Variants in LPP observed in about 807,000 individuals in gnomAD.
The protein encoded by LPP is LIM domain containing preferred translocation partner in lipoma, also known as lipoma-preferred partner.
LPP carries 38 observed loss-of-function variants against 60.4 expected under a neutral mutation model. The observed-to-expected ratio is 0.63, with a 90% CI of 0.49 to 0.83. LPP has a LOEUF of 0.83. Ranked by LOEUF, LPP falls within the 40% of genes least tolerant of loss-of-function variation. The probability of loss-of-function intolerance (pLI) is 0.00; values close to 1 mark genes in which losing one functional copy is unlikely to be tolerated. For missense variants in LPP, 902 were observed against 783.6 expected, an observed-to-expected ratio of 1.15 and a Z score of -1.80; for synonymous variants, 328 against 290.8, an observed-to-expected ratio of 1.13 and a Z score of -1.30.
At chr3:188,533,497 T>G (rs535039081) in intron 6 of LPP, among the ~76,000 whole-genome samples, 4 of 152,290 alleles carry the variant, frequency 2.6e-5, no homozygotes, top group Admixed American at 1.3e-4. Flanking sequence ...CTATATTCTC[T>G]TAGGAAAAAT....
At chr3:188,688,598 C>G (rs756110974) in intron 7 of LPP, among the ~76,000 whole-genome samples, 4 of 152,126 alleles carry the variant, frequency 2.6e-5, no homozygotes, top group Non-Finnish European at 5.9e-5. Context: ...AAGTAGTACT[C>G]AGGAGTTTGA....
intron 1 of LPP, among the ~76,000 whole-genome samples, chr3:188,197,432 A>T (rs1729852527): frequency 6.6e-6 from 1 of 152,296 alleles, no homozygotes; most frequent in Middle Eastern, 3.4e-3. Flanking sequence ...GCCCCAGTAC[A>T]CAGCTGGCAT....
At chr3:188,174,033 AACCGTTGTGCCC>A (rs772069558) in intron 1 of LPP, among the ~76,000 whole-genome samples, 2 of 152,232 alleles carry the variant, frequency 1.3e-5, no homozygotes, top group Non-Finnish European at 2.9e-5. Flanking sequence ...AAGTTAAGCA[AACCGTTGTGCCC>A]ACTTTTAGCA....
At chr3:188,305,799 CA>C (rs1751336320) in intron 2 of LPP, among the ~76,000 whole-genome samples, 2 of 152,188 alleles carry the variant, frequency 1.3e-5, no homozygotes, top group Non-Finnish European at 2.9e-5. Context: ...TGTCATGAAA[CA>C]AAGTACGTTG....
At chr3:188,748,256 CAT>C (rs1048444975) in intron 8 of LPP, among the ~76,000 whole-genome samples, 9 of 152,094 alleles carry the variant, frequency 5.9e-5, no homozygotes, top group African/African-American at 1.7e-4. Context: ...CACACACACA[CAT>C]ACATATATAC....
At position 188,881,539 on chromosome 3, in the gene LPP, A is replaced by T. The variant is rs754805422; in HGVS notation, c.*7060A>T. On this transcript the variant is annotated 3_prime_UTR_variant, in exon 12 of 12. Coordinates refer to ENST00000617246, the MANE Select transcript of LPP (RefSeq NM_001375462.1). The stretch of plus-strand genomic sequence containing the variant: ...ACGAAATTGGAATCACCCAAAGAGA[A>T]TTTCCCCAAAAAACCTCAGACCCAG... 6.0e-5 allele frequency: 13 copies of T among 215,828 alleles called. No individual in the cohort carries two copies. The highest frequency in any genetic ancestry group is 1.2e-4 in the Non-Finnish European group (13 of 107,012). The allele number at this position is 215,828 out of a possible 1,614,324, so 13.4% of individuals were successfully genotyped here.
chr3:188,644,834 G>T lies in LPP; in HGVS notation c.1113+34990G>T, dbSNP rs534541372. ...ATTTGTTGGTCGTATCTATTACAAG[G>T]TAGCTGTGGCTTGGTGCAGGGTGCA... is the stretch of plus-strand genomic sequence containing the variant. On this transcript the variant is annotated intron_variant, in intron 7 of 11. Coordinates refer to ENST00000617246, the MANE Select transcript of LPP (RefSeq NM_001375462.1). 3.9e-5 allele frequency among the ~76,000 whole-genome samples: 6 copies of T among 152,322 alleles called. No individual in the cohort carries two copies. In the South Asian group the frequency reaches 1.2e-3, roughly 32 times the overall value.
chr3:188,502,919 G>A (rs1487937736), intron 5 of LPP, among the ~76,000 whole-genome samples: 8 of 151,954 alleles, frequency 5.3e-5, no homozygotes, highest in Admixed American at 1.3e-4. Context: ...TTCAAGTATC[G>A]TGTTTAATGA....
intron 2 of LPP, among the ~76,000 whole-genome samples, chr3:188,261,950 A>C (rs887703258): frequency 2.0e-5 from 3 of 152,174 alleles, no homozygotes; most frequent in African/African-American, 7.2e-5. Flanking sequence ...AGTTCGTTAG[A>C]TATAACTGAA....
intron 8 of LPP, among the ~76,000 whole-genome samples, chr3:188,724,226 G>A (rs534799259): frequency 6.6e-6 from 1 of 152,268 alleles, no homozygotes; most frequent in East Asian, 1.9e-4. Flanking sequence ...CCGGAATCTA[G>A]TAATTAGAGT....
chr3:188,619,093 G>T (rs1029666525), intron 7 of LPP, among the ~76,000 whole-genome samples: 7 of 151,894 alleles, frequency 4.6e-5, no homozygotes, highest in Admixed American at 6.6e-5. Flanking sequence ...GGTGCAATCT[G>T]GGCTCACTGC....
chr3:188,761,442 CTT>C (rs1178041762), intron 9 of LPP, among the ~76,000 whole-genome samples: 1 of 152,110 alleles, frequency 6.6e-6, no homozygotes, highest in African/African-American at 2.4e-5. Flanking sequence ...CCAAAGGTAA[CTT>C]AATACATGTA....
chr3:188,224,848 A>G (rs1289801114), intron 1 of LPP, among the ~76,000 whole-genome samples: 1 of 151,880 alleles, frequency 6.6e-6, no homozygotes, highest in East Asian at 1.9e-4. Context: ...TCATCCAATC[A>G]CCTCTGCAGG....
chr3:188,488,914 G>A (rs981292398), intron 5 of LPP, among the ~76,000 whole-genome samples: 2 of 152,148 alleles, frequency 1.3e-5, no homozygotes, highest in Non-Finnish European at 2.9e-5. Flanking sequence ...TGGGATTACA[G>A]GCATGATCCA....
intron 2 of LPP, among the ~76,000 whole-genome samples, chr3:188,244,446 T>C (rs1463561321): frequency 6.6e-6 from 1 of 152,194 alleles, no homozygotes; most frequent in Non-Finnish European, 1.5e-5. Context: ...CTGCTTCTGC[T>C]ACTAACCCCA....
chr3:188,425,201 ATAG>A (rs1363393993), intron 4 of LPP, among the ~76,000 whole-genome samples: 1 of 152,202 alleles, frequency 6.6e-6, no homozygotes, highest in Non-Finnish European at 1.5e-5. Flanking sequence ...TATTGAGATA[ATAG>A]TGTGATTTTT....
chr3:188,334,835 C>T (rs1440281163), intron 2 of LPP, among the ~76,000 whole-genome samples: 1 of 152,140 alleles, frequency 6.6e-6, no homozygotes, highest in African/African-American at 2.4e-5. Context: ...TTCTTTGCAT[C>T]TTTGCCAGCG....
intron 2 of LPP, among the ~76,000 whole-genome samples, chr3:188,240,932 A>C (rs917483769): frequency 6.6e-6 from 1 of 152,300 alleles, no homozygotes; most frequent in Middle Eastern, 3.4e-3. Flanking sequence ...CATTTTGTGG[A>C]TCTTTTATAT....
chr3:188,436,717 G>A (rs1489461681), intron 4 of LPP, among the ~76,000 whole-genome samples: 2 of 152,168 alleles, frequency 1.3e-5, no homozygotes, highest in Non-Finnish European at 2.9e-5. Context: ...TATAGTGGTA[G>A]GCCCAGACTT....
Sources: gnomAD v4.1 joint callset for allele counts (sites outside exome capture counted in the v4.1 genomes callset) on GRCh38, gnomAD v4.1.1 for gene constraint, MANE v1.5 for transcripts, NCBI Gene and HGNC (gene_info 2026-07-23, HGNC 2026-07-21) for gene names.